The following PHKB variants were observed in gnomAD, a reference collection of about 807,000 sequenced individuals.
PHKB encodes the protein phosphorylase b kinase regulatory subunit beta.
A neutral mutation model predicts 152.1 loss-of-function variants in PHKB; 122 were observed. The ratio of observed to expected loss-of-function variants is 0.80; its 90% CI spans 0.69 to 0.93. PHKB has a LOEUF of 0.93. Among genes scored for constraint, PHKB ranks in the 40% least tolerant of loss-of-function variants. The pLI is 0.00. For synonymous variants in PHKB, 436 were observed against 464.9 expected (o/e 0.94, Z 0.80); for missense variants, 1,304 against 1,328.4 (o/e 0.98, Z 0.29).
chr16:47,669,228 C>A lies in PHKB; in HGVS notation c.2441C>A (p.Ala814Asp). ...TGCCACTTGTAGGTAACTCTGGGTG[C>A]CTTTGGGCATGAAGAAGAAGTTATC... ...LVHGKQVTLGAFGHEEEVISN... is the reference protein window; with the variant it reads ...LVHGKQVTLGDFGHEEEVISN... Residue 814 changes from alanine (A) to aspartate (D), a missense_variant, in exon 26 of 31, where the codon GCC (alanine) becomes GAC (aspartate). Coordinates refer to ENST00000323584, the MANE Select transcript of PHKB (RefSeq NM_000293.3). The A allele has an allele frequency of 1.2e-6, 2 of 1,613,438 alleles. No individual in the cohort carries two copies. Among genetic ancestry groups the A allele is most frequent in the Admixed American group, 1.7e-5 (1 of 59,978 alleles).
intron 6 of PHKB, among the ~76,000 whole-genome samples, chr16:47,530,069 C>G (rs1473531135): frequency 2.6e-5 from 4 of 151,328 alleles, no homozygotes; most frequent in Admixed American, 2.6e-4. Context: ...CAGCAGATAT[C>G]ACATTAGAAT....
At chr16:47,599,795 T>A (rs914973811) in intron 13 of PHKB, among the ~76,000 whole-genome samples, 2 of 152,234 alleles carry the variant, frequency 1.3e-5, no homozygotes, top group African/African-American at 4.8e-5. Flanking sequence ...TATTCATTAG[T>A]AGTCTAGCCT....
chr16:47,617,313 T>C (rs1972536842), intron 14 of PHKB, among the ~76,000 whole-genome samples: 2 of 150,620 alleles, frequency 1.3e-5, no homozygotes, highest in Admixed American at 1.3e-4. Context: ...ATTTCAGTCA[T>C]TCATAAGTGT....
At chr16:47,609,303 A>G (rs796223539) in intron 13 of PHKB, among the ~76,000 whole-genome samples, 13 of 152,006 alleles carry the variant, frequency 8.6e-5, no homozygotes, top group African/African-American at 2.9e-4. Flanking sequence ...TGGGTTTGCT[A>G]GTATTTTGTT....
At chr16:47,520,769 T>G (rs1970672116) in intron 6 of PHKB, among the ~76,000 whole-genome samples, 1 of 152,016 alleles carries the variant, frequency 6.6e-6, no homozygotes, top group Non-Finnish European at 1.5e-5. Flanking sequence ...GTCTGTAACA[T>G]CATGCAGTCC....
At chr16:47,521,476 A>G (rs768965869) in intron 6 of PHKB, among the ~76,000 whole-genome samples, 37 of 152,136 alleles carry the variant, frequency 2.4e-4, no homozygotes, top group Non-Finnish European at 4.6e-4. Flanking sequence ...CAATGTGATG[A>G]AACCCTGTCT....
intron 16 of PHKB, among the ~76,000 whole-genome samples, chr16:47,643,742 T>A (rs1216469818): frequency 6.6e-6 from 1 of 152,222 alleles, no homozygotes; most frequent in East Asian, 1.9e-4. Flanking sequence ...GGTTGCTCCC[T>A]TTCTTCTGAG....
chr16:47,658,672 G>A (rs1204224543), intron 20 of PHKB, among the ~76,000 whole-genome samples: 1 of 152,178 alleles, frequency 6.6e-6, no homozygotes, highest in Non-Finnish European at 1.5e-5. Context: ...GCAATAGGCT[G>A]TGCCATATAG....
At chr16:47,564,298 G>A (rs949576161) in intron 7 of PHKB, among the ~76,000 whole-genome samples, 2 of 151,942 alleles carry the variant, frequency 1.3e-5, no homozygotes, top group African/African-American at 4.8e-5. Flanking sequence ...CATCAATAGT[G>A]TATAAGTGTT....
chr16:47,472,077 C>T (rs571950739), intron 1 of PHKB, among the ~76,000 whole-genome samples: 4 of 151,892 alleles, frequency 2.6e-5, no homozygotes, highest in South Asian at 2.1e-4. Flanking sequence ...AGTATATGTG[C>T]GAAATACATG....
chr16:47,685,293 C>T (rs558282323), intron 26 of PHKB, among the ~76,000 whole-genome samples: 5 of 152,154 alleles, frequency 3.3e-5, no homozygotes, highest in South Asian at 2.1e-4. Flanking sequence ...GGTGTGGTGG[C>T]GCACGCCTGT....
intron 7 of PHKB, among the ~76,000 whole-genome samples, chr16:47,550,629 G>C (rs1296121383): frequency 1.3e-5 from 2 of 152,172 alleles, no homozygotes; most frequent in African/African-American, 2.4e-5. Flanking sequence ...TTGCCACACT[G>C]AGTACATCCC....
chr16:47,496,015 A>T (rs1351452339), intron 1 of PHKB, among the ~76,000 whole-genome samples: 1 of 152,100 alleles, frequency 6.6e-6, no homozygotes, highest in African/African-American at 2.4e-5. Context: ...CTATCTGCGT[A>T]AACATAAAGG....
intron 24 of PHKB, chr16:47,664,300 T>A (rs577100505): frequency 6.3e-6 from 1 of 159,034 alleles, no homozygotes; most frequent in South Asian, 1.8e-4. Flanking sequence ...CCAATTCACA[T>A]GGCCCTCTGC....
At chr16:47,504,764 T>C (rs894707813) in intron 4 of PHKB, among the ~76,000 whole-genome samples, 1 of 152,248 alleles carries the variant, frequency 6.6e-6, no homozygotes, top group African/African-American at 2.4e-5. Flanking sequence ...AGTCAGTGTT[T>C]TGCAAGAAAG....
At chr16:47,566,467 A>G in intron 7 of PHKB, 4 of 1,608,870 alleles carry the variant, frequency 2.5e-6, no homozygotes, top group Admixed American at 3.3e-5. Flanking sequence ...AGGTCCTCAA[A>G]TTCAGCATAA....
intron 20 of PHKB, among the ~76,000 whole-genome samples, chr16:47,658,402 C>G (rs1973377005): frequency 6.6e-6 from 1 of 152,102 alleles, no homozygotes; most frequent in Non-Finnish European, 1.5e-5. Flanking sequence ...TCCCCATCCC[C>G]TACCTTTCTT....
At chr16:47,586,516 T>C (rs1971937901) in intron 8 of PHKB, among the ~76,000 whole-genome samples, 1 of 152,198 alleles carries the variant, frequency 6.6e-6, no homozygotes, top group Non-Finnish European at 1.5e-5. Flanking sequence ...TGAGCTAATT[T>C]TCATGTACAA....
At chr16:47,697,152 C>G (rs1210909650) in intron 29 of PHKB, among the ~76,000 whole-genome samples, 1 of 152,208 alleles carries the variant, frequency 6.6e-6, no homozygotes, top group Admixed American at 6.5e-5. Context: ...CGCACTTTGT[C>G]TCTTTCCCTG....
Sources: gnomAD v4.1 joint callset for allele counts (sites outside exome capture counted in the v4.1 genomes callset) on GRCh38, gnomAD v4.1.1 for gene constraint, MANE v1.5 for transcripts, NCBI Gene and HGNC (gene_info 2026-07-23, HGNC 2026-07-21) for gene names.